ERBB4: variants seen among roughly 807,000 people sequenced by gnomAD.
The protein encoded by ERBB4 is receptor tyrosine-protein kinase erbB-4.
ERBB4 carries 42 observed loss-of-function variants against 158.0 expected under a neutral mutation model. The observed-to-expected ratio is 0.27, with a 90% CI of 0.21 to 0.34. The LOEUF is 0.34. ERBB4 is among the 10% of genes least tolerant of loss of function. The pLI is 1.00. For synonymous variants in ERBB4, 583 were observed against 558.7 expected, an observed-to-expected ratio of 1.04 and a Z score of -0.61; for missense variants, 1,333 against 1,624.1, an observed-to-expected ratio of 0.82 and a Z score of 3.08.
chr2:212,223,569 A>T (rs939203352), intron 1 of ERBB4, among the ~76,000 whole-genome samples: 6 of 151,420 alleles, frequency 4.0e-5, no homozygotes, highest in African/African-American at 1.2e-4. Flanking sequence ...CAATGATCAA[A>T]TCCTCAAAAT....
At chr2:211,900,569 A>G (rs1440830292) in intron 3 of ERBB4, among the ~76,000 whole-genome samples, 2 of 152,162 alleles carry the variant, frequency 1.3e-5, no homozygotes, top group African/African-American at 2.4e-5. Context: ...GGGTCCTTCA[A>G]AGTAACTCTA....
Position 212,324,395 on chromosome 2 carries a change from G to C in ERBB4, c.83-199492C>G, listed in dbSNP as rs191315424. On this transcript the variant is annotated intron_variant, in intron 1 of 27. Transcript: ENST00000342788. ...ACTTTGAAAACATCTAATGTATATA[G>C]AGCTTTATTATTTAACCCAATCATT... Among the ~76,000 whole-genome samples the C allele has an allele frequency of 1.2e-3, 183 of 150,448 alleles. 8 individuals are homozygous for C. The highest frequency in any genetic ancestry group is 2.2e-3 in the Non-Finnish European group (150 of 67,080).
At chr2:212,315,066 C>T (rs555056788) in intron 1 of ERBB4, among the ~76,000 whole-genome samples, 14 of 151,348 alleles carry the variant, frequency 9.3e-5, no homozygotes, top group South Asian at 4.1e-4. Context: ...TTATTACACA[C>T]CAAAACAGAT....
At chr2:212,004,682 G>A (rs1264422606) in intron 2 of ERBB4, among the ~76,000 whole-genome samples, 1 of 152,004 alleles carries the variant, frequency 6.6e-6, no homozygotes, top group Non-Finnish European at 1.5e-5. Context: ...AGGAGCCATG[G>A]GAGAAAGACT....
chr2:211,795,069 G>A (rs2076353807), intron 3 of ERBB4, among the ~76,000 whole-genome samples: 1 of 151,692 alleles, frequency 6.6e-6, no homozygotes, highest in Non-Finnish European at 1.5e-5. Flanking sequence ...TTAACTTCTT[G>A]CCTGTAATCT....
chr2:212,211,629 A>AAAAAAAAAAC (rs148929858), intron 1 of ERBB4, among the ~76,000 whole-genome samples: 1 of 148,492 alleles, frequency 6.7e-6, no homozygotes, highest in Non-Finnish European at 1.5e-5. Flanking sequence ...AAAAAAAAAA[A>AAAAAAAAAAC]TGGATACATG....
At chr2:212,333,189 C>T (rs2088261910) in intron 1 of ERBB4, among the ~76,000 whole-genome samples, 1 of 151,922 alleles carries the variant, frequency 6.6e-6, no homozygotes, top group South Asian at 2.1e-4. Flanking sequence ...CTACCTCTAC[C>T]AGATTGAGCC....
At chr2:212,440,190 T>TC (rs2092224193) in intron 1 of ERBB4, among the ~76,000 whole-genome samples, 1 of 152,220 alleles carries the variant, frequency 6.6e-6, no homozygotes, top group South Asian at 2.1e-4. Flanking sequence ...CCTGGGTGTG[T>TC]CTGTGAGGGT....
intron 1 of ERBB4, among the ~76,000 whole-genome samples, chr2:212,373,931 A>ATG (rs1332803967): frequency 0.016 from 1,130 of 71,632 alleles, 177 homozygotes; most frequent in African/African-American, 0.044. Context: ...ATATATATCC[A>ATG]TATATATCCA....
chr2:211,909,768 G>T (rs1301240408), intron 3 of ERBB4, among the ~76,000 whole-genome samples: 2 of 151,732 alleles, frequency 1.3e-5, no homozygotes, highest in Non-Finnish European at 2.9e-5. Flanking sequence ...AGGTTTATGT[G>T]TGTGTGTACA....
At chr2:211,803,807 G>A (rs1414173713) in intron 3 of ERBB4, among the ~76,000 whole-genome samples, 1 of 152,166 alleles carries the variant, frequency 6.6e-6, no homozygotes, top group Non-Finnish European at 1.5e-5. Flanking sequence ...TAACCAGACT[G>A]AGATATGCTC....
At chr2:211,597,587 A>G (rs188071721) in intron 19 of ERBB4, among the ~76,000 whole-genome samples, 1 of 152,260 alleles carries the variant, frequency 6.6e-6, no homozygotes, top group African/African-American at 2.4e-5. Flanking sequence ...CTTATTATGG[A>G]ATATGGTTAA....
chr2:212,341,247 T>A (rs573908021), intron 1 of ERBB4, among the ~76,000 whole-genome samples: 64 of 151,950 alleles, frequency 4.2e-4, no homozygotes, highest in Non-Finnish European at 7.8e-4. Flanking sequence ...TATATATTTC[T>A]TTTTTGTCCC....
At chr2:211,918,342 A>T (rs1206070209) in intron 3 of ERBB4, among the ~76,000 whole-genome samples, 3 of 152,046 alleles carry the variant, frequency 2.0e-5, no homozygotes, top group African/African-American at 7.2e-5. Context: ...TTATGTCTAT[A>T]CCCTTATTCC....
intron 25 of ERBB4, among the ~76,000 whole-genome samples, chr2:211,412,102 A>G (rs1280168643): frequency 7.0e-6 from 1 of 143,228 alleles, no homozygotes; most frequent in Non-Finnish European, 1.5e-5. Context: ...GGCTAAGAGA[A>G]AAAAAAAAAG....
In ERBB4 at chr2:212,330,220, G is replaced by GC. The variant is rs1487734781; in HGVS notation, c.83-205318_83-205317insG. ...AAATGAGGGGTTGTGCTGTATCTGTGTTTTTTGTTTGTTTGTTTGTTTTGT... is the reference window on the plus strand; with the variant it reads ...AAATGAGGGGTTGTGCTGTATCTGTGCTTTTTTGTTTGTTTGTTTGTTTTGT... On this transcript the variant is annotated intron_variant, in intron 1 of 27. Coordinates refer to ENST00000342788, the MANE Select transcript of ERBB4 (RefSeq NM_005235.3). Among the ~76,000 whole-genome samples the GC allele has an allele frequency of 7.5e-4, 27 of 35,784 alleles. 2 individuals carry two copies. Among genetic ancestry groups the GC allele is most frequent in the African/African-American group, 2.0e-3 (25 of 12,518 alleles). 23.5% of individuals were successfully genotyped at this position (35,784 alleles called of 152,430 possible).
At chr2:212,164,252 T>TATAA (rs1177971702) in intron 1 of ERBB4, among the ~76,000 whole-genome samples, 1 of 151,930 alleles carries the variant, frequency 6.6e-6, no homozygotes, top group Non-Finnish European at 1.5e-5. Flanking sequence ...TGCTATTAAG[T>TATAA]ATAAGATATA....
chr2:212,503,041 A>G (rs956481210), intron 1 of ERBB4, among the ~76,000 whole-genome samples: 8 of 152,180 alleles, frequency 5.3e-5, no homozygotes, highest in African/African-American at 1.9e-4. Flanking sequence ...GGGATTACAA[A>G]GGCAACCTTC....
intron 1 of ERBB4, among the ~76,000 whole-genome samples, chr2:212,360,980 A>G (rs77945488): frequency 0.17 from 26,075 of 151,572 alleles, 3,398 homozygotes; most frequent in African/African-American, 0.37. Flanking sequence ...TTTTAGTTTA[A>G]ATTTTTAGTT....
Sources: gnomAD v4.1 joint callset for allele counts (sites outside exome capture counted in the v4.1 genomes callset) on GRCh38, gnomAD v4.1.1 for gene constraint, MANE v1.5 for transcripts, NCBI Gene and HGNC (gene_info 2026-07-23, HGNC 2026-07-21) for gene names.